Variants in FLNB observed in about 807,000 individuals in gnomAD.
The protein encoded by FLNB is filamin B.
Under a neutral mutation model 250.6 loss-of-function variants are expected in FLNB, and 111 were observed. The observed-to-expected ratio is 0.44, with a 90% confidence interval of 0.38 to 0.52. FLNB has a LOEUF of 0.52. Among genes scored for constraint, FLNB ranks in the 20% least tolerant of loss-of-function variants. FLNB has a pLI of 0.00. For synonymous variants in FLNB, 1,302 were observed against 1,372.1 expected, an observed-to-expected ratio of 0.95 and a Z score of 1.13; for missense variants, 2,869 against 3,447.8, an observed-to-expected ratio of 0.83 and a Z score of 4.20.
chr3:58,036,283 A>G (rs766277701), intron 1 of FLNB, among the ~76,000 whole-genome samples: 1 of 152,208 alleles, frequency 6.6e-6, no homozygotes, highest in Non-Finnish European at 1.5e-5. Context: ...CAATGGAGAA[A>G]GAGTAAGTCA....
chr3:58,135,799 T>G (rs578034112), intron 27 of FLNB, among the ~76,000 whole-genome samples, 180 bp from the exon 28 acceptor site: 1 of 152,320 alleles, frequency 6.6e-6, no homozygotes, highest in African/African-American at 2.4e-5. Flanking sequence ...GTCATGGTGT[T>G]AAAGGGATCT....
At chr3:58,050,002 T>C (rs1275805026) in intron 1 of FLNB, among the ~76,000 whole-genome samples, 1 of 151,216 alleles carries the variant, frequency 6.6e-6, no homozygotes, top group Non-Finnish European at 1.5e-5. Flanking sequence ...CCTTGTTCAT[T>C]GGAAGAAATA....
chr3:58,141,082 T>C (rs2107243595), intron 29 of FLNB, among the ~76,000 whole-genome samples: 1 of 150,794 alleles, frequency 6.6e-6, no homozygotes, highest in South Asian at 2.1e-4. Context: ...ACCCCATCTC[T>C]ACCAAAAAAA....
In FLNB at chr3:58,103,983, A is replaced by G. The variant is rs1249198698; in HGVS notation, c.1508A>G (p.Gln503Arg). The change falls in exon 10 of 46, where the codon CAG becomes CGG. Residue 503 changes from glutamine (Q) to arginine (R), a missense_variant. Physicochemically the swap from Gln to Arg is conservative, Grantham distance 43. Coordinates refer to ENST00000295956, the MANE Select transcript of FLNB (RefSeq NM_001457.4). ...GAGGGTCTGGAGGAGCTGGTGAAGC[A>G]GAAAGACTTTCTGGATGGGGTCTAC... Reference protein sequence around the residue: ...GPKGLEELVKQKDFLDGVYAF... With the variant: ...GPKGLEELVKRKDFLDGVYAF... The G allele has an allele frequency of 1.2e-6, 2 of 1,614,050 alleles. No individual in the cohort carries two copies. The highest frequency in any genetic ancestry group is 1.7e-6 in the Non-Finnish European group (2 of 1,180,046).
chr3:58,103,326 G>A (rs1301792991), intron 9 of FLNB, among the ~76,000 whole-genome samples: 2 of 151,822 alleles, frequency 1.3e-5, no homozygotes, highest in Non-Finnish European at 2.9e-5. Flanking sequence ...GTATGTGTGC[G>A]TACGTGTGTG....
rs2097292273 is a variant in FLNB at position 58,123,407 on chromosome 3, G to A, written c.3441G>A (p.Lys1147=). 2.5e-6 allele frequency: 4 copies of A among 1,614,140 alleles called. No homozygotes were observed. Among genetic ancestry groups the A allele is most frequent in the Non-Finnish European group, 3.4e-6 (4 of 1,180,008 alleles). Reference sequence around the variant, plus strand: ...CGGGGCCAGGTCTCGAGCACGGGAAGGTGGGTGAAGCTGGCCTCCTTAGCG... The same window carrying A: ...CGGGGCCAGGTCTCGAGCACGGGAAAGTGGGTGAAGCTGGCCTCCTTAGCG... ...VASGPGLEHG[K]VGEAGLLSVD... is the part of the protein sequence containing the mutation. Residue 1147 remains lysine (K), a synonymous_variant, in exon 21 of 46, where the codon AAG becomes AAA. Coordinates refer to ENST00000295956, the MANE Select transcript of FLNB (RefSeq NM_001457.4).
intron 18 of FLNB, 37 bp from the exon 19 acceptor site, chr3:58,118,835 T>G (rs1237591428): frequency 4.0e-6 from 6 of 1,518,654 alleles, no homozygotes; most frequent in Non-Finnish European, 5.5e-6. Context: ...AGCTTTTTGG[T>G]ACCCAAAGGT....
chr3:58,018,794 G>A (rs1027456739), intron 1 of FLNB, among the ~76,000 whole-genome samples: 11 of 151,868 alleles, frequency 7.2e-5, no homozygotes, highest in East Asian at 1.9e-4. Context: ...CTGGGATTAC[G>A]AGTGTGAGCC....
intron 18 of FLNB, among the ~76,000 whole-genome samples, chr3:58,115,446 A>G (rs1266584849): frequency 6.6e-6 from 1 of 152,224 alleles, no homozygotes; most frequent in Non-Finnish European, 1.5e-5. Context: ...ATATCAGGAC[A>G]GGGTCAGGGT....
chr3:58,169,617 C>T lies in FLNB; in HGVS notation c.7445C>T (p.Ala2482Val), dbSNP rs990640720. ...CAGCGTCTAGTTAGCCCTGGCTCAG[C>T]CAACGAGACCTCATCCATCCTGGTG... is the stretch of plus-strand genomic sequence containing the variant. ...TGQRLVSPGS[A>V]NETSSILVES... Residue 2482 changes from alanine (A) to valine (V), a missense_variant, in exon 45 of 46, where the codon GCC becomes GTC. Coordinates refer to ENST00000295956, the MANE Select transcript of FLNB (RefSeq NM_001457.4). This position sits in a 1 kb window ranked among gnomAD's most constrained non-coding sequence, Gnocchi z 4.8. 6.2e-7 allele frequency: 1 copy of T among 1,614,038 alleles called. No individual in the cohort carries two copies. Among genetic ancestry groups the T allele is most frequent in the African/African-American group, 1.3e-5 (1 of 74,922 alleles).
chr3:58,158,334 T>A (rs1173953079), intron 41 of FLNB, among the ~76,000 whole-genome samples: 2 of 152,358 alleles, frequency 1.3e-5, no homozygotes, highest in East Asian at 3.9e-4. Flanking sequence ...ATGTTTAGTT[T>A]TATTTAAGTG....
intron 18 of FLNB, among the ~76,000 whole-genome samples, chr3:58,117,898 G>A (rs1405052996): frequency 2.0e-5 from 3 of 151,458 alleles, no homozygotes; most frequent in Non-Finnish European, 2.9e-5. Flanking sequence ...ATCAGCAACA[G>A]CTTTCAGCAG....
chr3:58,113,824 A>C (rs71311838), intron 18 of FLNB, among the ~76,000 whole-genome samples: 2,920 of 152,218 alleles, frequency 0.019, 37 homozygotes, highest in Middle Eastern at 0.031. Context: ...GATTACAGGC[A>C]CATGCCACCA....
intron 1 of FLNB, among the ~76,000 whole-genome samples, chr3:58,014,068 A>G (rs1327520077): frequency 6.6e-6 from 1 of 152,226 alleles, no homozygotes; most frequent in African/African-American, 2.4e-5. Context: ...ACAAGTTAAT[A>G]ATTTTTAAAG....
chr3:58,134,545 A>T, intron 26 of FLNB, 71 bp from the exon 27 acceptor site: 1 of 1,573,364 alleles, frequency 6.4e-7, no homozygotes, highest in East Asian at 2.2e-5. Flanking sequence ...CTTATGTGTA[A>T]GAAAAGTCAG....
At chr3:58,029,581 T>G (rs1358339521) in intron 1 of FLNB, among the ~76,000 whole-genome samples, 1 of 151,724 alleles carries the variant, frequency 6.6e-6, no homozygotes, top group Non-Finnish European at 1.5e-5. Flanking sequence ...CTCGGCTCAC[T>G]GCAGTCTTCA....
intron 4 of FLNB, among the ~76,000 whole-genome samples, chr3:58,087,041 G>C (rs1020110035): frequency 6.6e-6 from 1 of 152,190 alleles, no homozygotes; most frequent in Admixed American, 6.5e-5. Flanking sequence ...AACCTGGGAG[G>C]TGGAGGTTGC....
At chr3:58,026,621 G>A (rs1718456) in intron 1 of FLNB, among the ~76,000 whole-genome samples, 21,331 of 152,028 alleles carry the variant, frequency 0.14, 2,905 homozygotes, top group East Asian at 0.44. Context: ...TTGGGGGCCA[G>A]TATTTTCGGT....
At position 58,150,168 on chromosome 3, in the gene FLNB, G is replaced by A; in HGVS notation, c.6308G>A (p.Ser2103Asn). The A allele has an allele frequency of 6.2e-7, 1 of 1,614,238 alleles. No individual in the cohort carries two copies. The highest frequency in any genetic ancestry group is 8.5e-7 in the Non-Finnish European group (1 of 1,180,046). Residue 2103 changes from serine (S) to asparagine (N), a missense_variant, in exon 38 of 46, where the codon AGT becomes AAT. Ser to Asn is a conservative substitution (Grantham distance 46, BLOSUM62 1). Transcript: ENST00000295956. ...GTCAAAGAGAGCATCACCCGCACCA[G>A]TCGGGCCCCGTCCGTGGCCACTGTC... is the stretch of plus-strand genomic sequence containing the variant. ...GRVKESITRT[S>N]RAPSVATVGS...
Sources: allele counts gnomAD v4.1 joint callset (sites outside exome capture counted in the v4.1 genomes callset), GRCh38; gene constraint gnomAD v4.1.1; non-coding constraint Gnocchi (gnomAD v3.1); transcripts MANE v1.5; gene names NCBI Gene and HGNC (gene_info 2026-07-23, HGNC 2026-07-21).